WNK2: variants seen among roughly 807,000 people sequenced by gnomAD.
The protein encoded by WNK2 is serine/threonine-protein kinase WNK2.
In WNK2, 67 loss-of-function variants were observed where a neutral mutation model predicts 192.1. That is an observed-to-expected ratio of 0.35 (90% CI 0.29 to 0.43). The LOEUF (loss-of-function observed/expected upper bound fraction) is 0.43, where lower values mean the gene tolerates loss of function less well. Ranked by LOEUF, WNK2 falls within the 20% of genes least tolerant of loss-of-function variation. The pLI is 1.00. For synonymous variants in WNK2, 1,439 were observed against 1,393.9 expected (o/e 1.03, Z -0.72); for missense variants, 2,698 against 3,089.7 (o/e 0.87, Z 3.01).
chr9:93,193,828 C>T (rs759461415), intron 2 of WNK2, among the ~76,000 whole-genome samples: 1 of 152,124 alleles, frequency 6.6e-6, no homozygotes, highest in Non-Finnish European at 1.5e-5. Flanking sequence ...TAAATTGGCT[C>T]TCATTAAATT....
At chr9:93,307,920 G>A (rs1852899880) in intron 27 of WNK2, 1 of 217,044 alleles carries the variant, frequency 4.6e-6, no homozygotes, top group Non-Finnish European at 9.3e-6. Context: ...GGATGCACAG[G>A]CCAGAGAGAG....
At chr9:93,299,325 A>G in intron 25 of WNK2, 64 bp downstream of exon 25, 1 of 1,508,080 alleles carries the variant, frequency 6.6e-7, no homozygotes, top group Non-Finnish European at 8.9e-7. Context: ...TGGTGTCCCC[A>G]GGAGCACGCC....
chr9:93,281,816 A>G (rs949413090), intron 19 of WNK2, among the ~76,000 whole-genome samples: 3 of 152,352 alleles, frequency 2.0e-5, no homozygotes, highest in Middle Eastern at 3.4e-3. Context: ...CTCAGTACAG[A>G]TAACATATGC....
Position 93,318,901 on chromosome 9 carries a change from T to C in WNK2, c.6628+1270T>C, listed in dbSNP as rs78630256. On this transcript the variant is annotated intron_variant, in intron 29 of 29. Transcript: ENST00000427277. ...CTGCTTGGGACTGCCCAGCTGTGAATTGTATAGTTTCTGTACTTATTAGAA... is the reference window on the plus strand; with the variant it reads ...CTGCTTGGGACTGCCCAGCTGTGAACTGTATAGTTTCTGTACTTATTAGAA... 4,856 of 1,402,372 alleles carry C rather than the reference T, an allele frequency of 3.5e-3. 93 individuals carry two copies. In the East Asian group the frequency reaches 0.045, roughly 13 times the overall value. The allele number at this position is 1,402,372 out of a possible 1,614,324, so 86.9% of individuals were successfully genotyped here. A position where few individuals can be genotyped will look rare whatever the true frequency, so the allele number is the denominator to read the frequency against.
At chr9:93,238,937 G>A (rs920402074) in intron 6 of WNK2, among the ~76,000 whole-genome samples, 2 of 152,152 alleles carry the variant, frequency 1.3e-5, no homozygotes, top group Admixed American at 6.5e-5. Context: ...ACCATCTGAC[G>A]TGACACCCCT....
At chr9:93,318,952 C>T in intron 29 of WNK2, 1 of 1,435,488 alleles carries the variant, frequency 7.0e-7, no homozygotes, top group Non-Finnish European at 9.1e-7. Context: ...TGGTTCAAAT[C>T]TATTATTCCA....
chr9:93,187,179 G>C (rs1013505169), intron 2 of WNK2, among the ~76,000 whole-genome samples: 8 of 152,174 alleles, frequency 5.3e-5, no homozygotes, highest in Non-Finnish European at 1.2e-4. Flanking sequence ...GCCAGAGCCT[G>C]CTGATCTGGC....
At chr9:93,191,766 C>T (rs1295241038) in intron 2 of WNK2, among the ~76,000 whole-genome samples, 1 of 152,068 alleles carries the variant, frequency 6.6e-6, no homozygotes, top group Non-Finnish European at 1.5e-5. Flanking sequence ...TGGTGACTCA[C>T]GCCTGTAATC....
chr9:93,307,550 T>G (rs1029572973), intron 27 of WNK2: 4 of 152,418 alleles, frequency 2.6e-5, no homozygotes, highest in African/African-American at 9.6e-5. Flanking sequence ...AAAAACACTT[T>G]GAATGAAGCA....
intron 5 of WNK2, among the ~76,000 whole-genome samples, chr9:93,236,689 T>C (rs1256156561): frequency 1.3e-5 from 2 of 152,214 alleles, no homozygotes; most frequent in African/African-American, 4.8e-5. Context: ...GAGGAGCCAC[T>C]GTCCCTCAGG....
At chr9:93,314,116 C>CA (rs76294885) in intron 28 of WNK2, among the ~76,000 whole-genome samples, 8,138 of 93,332 alleles carry the variant, frequency 0.087, 305 homozygotes, top group Non-Finnish European at 0.13. Context: ...ACTAAAAGTA[C>CA]AAAAAAAAAA....
intron 26 of WNK2, among the ~76,000 whole-genome samples, chr9:93,302,717 G>C (rs552198553): frequency 2.0e-5 from 3 of 152,128 alleles, no homozygotes; most frequent in African/African-American, 7.2e-5. Context: ...CCAGAGGCCC[G>C]AGCTGACTCA....
At position 93,263,410 on chromosome 9, in the gene WNK2, G is replaced by A. The variant is rs1289030183; in HGVS notation, c.3411-156G>A. On this transcript the variant is annotated intron_variant, in intron 14 of 29. Transcript: ENST00000427277. Reference sequence around the variant, plus strand: ...CAGGGAGCTGGGTGAGGGCCCAGAAGCAGGCTTGGGGTATTCGCACAGGAC... The same window carrying A: ...CAGGGAGCTGGGTGAGGGCCCAGAAACAGGCTTGGGGTATTCGCACAGGAC... 17 of 871,788 alleles carry A rather than the reference G, an allele frequency of 2.0e-5. No individual in the cohort carries two copies. In the African/African-American group the frequency reaches 2.9e-4, roughly 15 times the overall value. 54.0% of individuals were successfully genotyped at this position (871,788 alleles called of 1,614,324 possible). A position where few individuals can be genotyped will look rare whatever the true frequency, so the allele number is the denominator to read the frequency against.
chr9:93,244,590 C>T (rs1287043143), intron 7 of WNK2, among the ~76,000 whole-genome samples: 1 of 152,224 alleles, frequency 6.6e-6, no homozygotes, highest in African/African-American at 2.4e-5. Context: ...GAGGACGTGG[C>T]CTTGGCAGCC....
In WNK2 at chr9:93,256,445, C is replaced by T. The variant is rs1339119503; in HGVS notation, c.2181C>T (p.Pro727=). Residue 727 remains proline (P), a synonymous_variant, in exon 10 of 30, where the codon CCC becomes CCT. Coordinates refer to ENST00000427277, the MANE Select transcript of WNK2 (RefSeq NM_006648.4). ...CGGGCCCAGGCCAGCCAGCACCCCC[C>T]GGCCAGCAGGTGAGTGTGGCACCTC... is the stretch of plus-strand genomic sequence containing the variant. ...MPTGPGQPAP[P]GQQPPPLAQP... is the part of the protein sequence containing the mutation. 21 of 1,527,428 alleles carry T rather than the reference C, an allele frequency of 1.4e-5. No homozygotes were observed. The highest frequency in any genetic ancestry group is 5.5e-5 in the African/African-American group (4 of 72,700). 94.6% of individuals were successfully genotyped at this position (1,527,428 alleles called of 1,614,324 possible).
intron 7 of WNK2, among the ~76,000 whole-genome samples, chr9:93,243,054 C>T (rs750081861): frequency 1.5e-4 from 23 of 152,174 alleles, no homozygotes; most frequent in Non-Finnish European, 1.6e-4. Context: ...CATCAGAGCC[C>T]TCTCAGCACT....
At chr9:93,310,134 A>G (rs1346070195) in intron 28 of WNK2, among the ~76,000 whole-genome samples, 4 of 152,016 alleles carry the variant, frequency 2.6e-5, no homozygotes, top group Admixed American at 6.6e-5. Context: ...CCACATCCAC[A>G]CTCCCAAGCT....
chr9:93,300,603 GCA>G (rs1485993902), intron 26 of WNK2, among the ~76,000 whole-genome samples: 1 of 152,218 alleles, frequency 6.6e-6, no homozygotes, highest in Non-Finnish European at 1.5e-5. Context: ...TCCTCCAGAT[GCA>G]CAGTGTGTGT....
intron 2 of WNK2, among the ~76,000 whole-genome samples, chr9:93,214,651 TG>T (rs1381651628): frequency 1.3e-5 from 2 of 151,154 alleles, no homozygotes; most frequent in African/African-American, 4.9e-5. Flanking sequence ...ACATGGTTTC[TG>T]TTGAGGTCAG....
Sources: allele counts gnomAD v4.1 joint callset (sites outside exome capture counted in the v4.1 genomes callset), GRCh38; gene constraint gnomAD v4.1.1; transcripts MANE v1.5; gene names NCBI Gene and HGNC (gene_info 2026-07-23, HGNC 2026-07-21).